PREX2: variants seen among roughly 807,000 people sequenced by gnomAD.
The protein encoded by PREX2 is phosphatidylinositol-3,4,5-trisphosphate dependent Rac exchange factor 2.
A neutral mutation model predicts 203.2 loss-of-function variants in PREX2; 107 were observed. The observed-to-expected ratio is 0.53, with a 90% CI of 0.45 to 0.62. The LOEUF is 0.62. Among genes scored for constraint, PREX2 ranks in the 20% least tolerant of loss-of-function variants. PREX2 has a pLI of 0.00. For synonymous variants in PREX2, 672 were observed against 663.6 expected, an observed-to-expected ratio of 1.01 and a Z score of -0.19; for missense variants, 1,777 against 1,955.9, an observed-to-expected ratio of 0.91 and a Z score of 1.72.
chr8:68,055,752 C>G, intron 9 of PREX2, 78 bp from the exon 10 acceptor site: 1 of 1,348,540 alleles, frequency 7.4e-7, no homozygotes, highest in African/African-American at 1.5e-5. Context: ...GCAACAAATG[C>G]TTGCTTAATG....
intron 1 of PREX2, among the ~76,000 whole-genome samples, chr8:67,974,344 A>C (rs1158332530): frequency 6.6e-6 from 1 of 152,202 alleles, no homozygotes; most frequent in African/African-American, 2.4e-5. Context: ...GAGAGAAAAA[A>C]AGTAAAAGAA....
intron 25 of PREX2, among the ~76,000 whole-genome samples, chr8:68,114,071 A>G (rs1026061137): frequency 6.6e-6 from 1 of 152,148 alleles, no homozygotes; most frequent in African/African-American, 2.4e-5. Context: ...CATGTTGGCC[A>G]GGCTGGTCTC....
chr8:68,177,304 T>C (rs962230051), intron 35 of PREX2: 1 of 152,230 alleles, frequency 6.6e-6, no homozygotes, highest in African/African-American at 2.4e-5. Context: ...ACACCTGTAA[T>C]CCCAGAGCTT....
intron 31 of PREX2, among the ~76,000 whole-genome samples, chr8:68,132,673 A>T (rs1811031367): frequency 6.6e-6 from 1 of 152,172 alleles, no homozygotes; most frequent in South Asian, 2.1e-4. Flanking sequence ...CTCACCACTG[A>T]ATAAAGTCAG....
At chr8:68,076,685 TCA>T (rs57701553) in intron 14 of PREX2, among the ~76,000 whole-genome samples, 2,309 of 143,712 alleles carry the variant, frequency 0.016, 44 homozygotes, top group African/African-American at 0.049. Context: ...AACTCTAAGG[TCA>T]CACACACACA....
At chr8:68,013,282 G>A (rs1443975355) in intron 1 of PREX2, among the ~76,000 whole-genome samples, 1 of 152,104 alleles carries the variant, frequency 6.6e-6, no homozygotes, top group African/African-American at 2.4e-5. Flanking sequence ...CAATGGACTG[G>A]GGCTGGTCAT....
intron 18 of PREX2, among the ~76,000 whole-genome samples, chr8:68,084,851 G>A (rs1290783972): frequency 2.0e-5 from 3 of 152,042 alleles, no homozygotes; most frequent in South Asian, 4.1e-4. Context: ...CAATCATTAC[G>A]TCCTCCCTAG....
Position 68,097,192 on chromosome 8 carries a change from A to G in PREX2, c.2544A>G (p.Leu848=), listed in dbSNP as rs1175809344. ...KMIEPKGFFS[L]TAKILEALAK... ...TTGAGCCCAAAGGTTTCTTCAGCTTAACTGCCAAGGTAGGAGCGATGCTGA... is the reference window on the plus strand; with the variant it reads ...TTGAGCCCAAAGGTTTCTTCAGCTTGACTGCCAAGGTAGGAGCGATGCTGA... Residue 848 remains leucine, a synonymous_variant, in exon 22 of 40, where the codon TTA becomes TTG. Coordinates refer to ENST00000288368, the MANE Select transcript of PREX2 (RefSeq NM_024870.4). 41 of 1,612,312 alleles carry G rather than the reference A, an allele frequency of 2.5e-5. No individual in the cohort carries two copies. The highest frequency in any genetic ancestry group is 3.5e-5 in the Non-Finnish European group (41 of 1,178,692).
intron 1 of PREX2, among the ~76,000 whole-genome samples, chr8:67,984,458 G>T (rs1188992307): frequency 6.6e-6 from 1 of 152,182 alleles, no homozygotes; most frequent in Non-Finnish European, 1.5e-5. Flanking sequence ...GTGTCATGGT[G>T]ATGTGCATAC....
intron 1 of PREX2, among the ~76,000 whole-genome samples, chr8:67,980,129 A>G (rs1199842349): frequency 1.3e-5 from 2 of 152,240 alleles, no homozygotes; most frequent in Non-Finnish European, 2.9e-5. Flanking sequence ...GTAGCGTGAT[A>G]CAAAGGCACA....
At chr8:68,128,963 C>G (rs1290052294) in intron 31 of PREX2, among the ~76,000 whole-genome samples, 1 of 152,158 alleles carries the variant, frequency 6.6e-6, no homozygotes, top group Non-Finnish European at 1.5e-5. Context: ...TGCTTTTTGA[C>G]TGAGTAATAA....
chr8:68,169,796 A>T (rs528600504), intron 35 of PREX2, among the ~76,000 whole-genome samples: 1 of 152,308 alleles, frequency 6.6e-6, no homozygotes, highest in African/African-American at 2.4e-5. Flanking sequence ...AGATATTATC[A>T]GTTGCCCCCA....
chr8:68,146,080 T>G lies in PREX2; in HGVS notation c.4088-129T>G, dbSNP rs1811320646. On this transcript the variant is annotated intron_variant, in intron 33 of 39. Transcript: ENST00000288368. ...ATAGCACTGTATGTCGAATCCCAAC[T>G]TGATAAACATGATCACGTTTAATAT... 1.6e-5 allele frequency: 10 copies of G among 623,910 alleles called. No individual in the cohort carries two copies. In the East Asian group the frequency reaches 2.8e-4, roughly 17 times the overall value. The allele number at this position is 623,910 out of a possible 1,614,324, so 38.6% of individuals were successfully genotyped here.
intron 34 of PREX2, among the ~76,000 whole-genome samples, chr8:68,156,126 T>C (rs1420135225): frequency 6.6e-6 from 1 of 152,172 alleles, no homozygotes; most frequent in Non-Finnish European, 1.5e-5. Flanking sequence ...AGTGGCACGA[T>C]CCTAGCTTAC....
At chr8:67,984,166 C>A (rs1164560812) in intron 1 of PREX2, among the ~76,000 whole-genome samples, 1 of 152,178 alleles carries the variant, frequency 6.6e-6, no homozygotes, top group African/African-American at 2.4e-5. Flanking sequence ...TCAGAAAGAA[C>A]TGATCACTCC....
intron 6 of PREX2, among the ~76,000 whole-genome samples, chr8:68,035,539 C>T (rs952807399): frequency 4.6e-5 from 7 of 152,036 alleles, no homozygotes; most frequent in African/African-American, 1.7e-4. Context: ...AGAGATAATG[C>T]ACAGATTTAA....
chr8:68,093,528 A>G (rs1809958196), intron 20 of PREX2, 77 bp from the exon 21 acceptor site: 2 of 602,626 alleles, frequency 3.3e-6, no homozygotes, highest in South Asian at 6.2e-5. Context: ...AGGAATAAAT[A>G]AGGCCAAGTC....
At chr8:68,126,213 G>A (rs879743377) in intron 30 of PREX2, among the ~76,000 whole-genome samples, 3 of 151,976 alleles carry the variant, frequency 2.0e-5, no homozygotes, top group African/African-American at 7.2e-5. Context: ...ATAATTTAAA[G>A]TTTTATGAAA....
chr8:68,090,797 A>G, intron 20 of PREX2, 82 bp downstream of exon 20: 2 of 1,208,912 alleles, frequency 1.7e-6, no homozygotes, highest in Non-Finnish European at 2.3e-6. Flanking sequence ...AGTGCCAGAG[A>G]TATTTGTGGT....
Sources: gnomAD v4.1 joint callset for allele counts (sites outside exome capture counted in the v4.1 genomes callset) on GRCh38, gnomAD v4.1.1 for gene constraint, MANE v1.5 for transcripts, NCBI Gene and HGNC (gene_info 2026-07-23, HGNC 2026-07-21) for gene names.